Variants in OPCML observed in about 807,000 individuals in gnomAD.
The protein encoded by OPCML is opioid binding protein/cell adhesion molecule like, also known as opioid-binding protein/cell adhesion molecule.
In OPCML, 13 loss-of-function variants were observed where a neutral mutation model predicts 37.8. The observed-to-expected ratio is 0.34, with a 90% CI of 0.22 to 0.55. OPCML has a LOEUF of 0.55. OPCML is among the 20% of genes least tolerant of loss of function. The pLI, the probability that OPCML is intolerant of heterozygous loss-of-function variation, is 0.91. For synonymous variants in OPCML, 176 were observed against 168.8 expected, an observed-to-expected ratio of 1.04 and a Z score of -0.33; for missense variants, 341 against 435.6, an observed-to-expected ratio of 0.78 and a Z score of 1.93.
At chr11:132,554,265 T>G (rs527593080) in intron 3 of OPCML, among the ~76,000 whole-genome samples, 1 of 152,184 alleles carries the variant, frequency 6.6e-6, no homozygotes, top group Non-Finnish European at 1.5e-5. Context: ...CTGGTTTTAA[T>G]TTGAGTGCAG....
At chr11:133,075,408 C>G (rs1450366605) in intron 1 of OPCML, among the ~76,000 whole-genome samples, 1 of 152,220 alleles carries the variant, frequency 6.6e-6, no homozygotes, top group African/African-American at 2.4e-5. Context: ...GCAGGAGAAT[C>G]TCTGCATTCT....
At chr11:133,458,942 A>T (rs1323805598) in intron 1 of OPCML, among the ~76,000 whole-genome samples, 2 of 151,736 alleles carry the variant, frequency 1.3e-5, no homozygotes, top group Non-Finnish European at 2.9e-5. Context: ...AAACATAAAT[A>T]CATTAACAGA....
rs2137093625 is a variant in OPCML at position 133,111,667 on chromosome 11, A to C, written c.62-168657T>G. ...TGGAGCACCAACTGCCTAGGAAAAC[A>C]ATGAACTTTGGTGACTTTTCCTTTC... On this transcript the variant is annotated intron_variant, in intron 1 of 7. Coordinates refer to ENST00000524381, the MANE Select transcript of OPCML (RefSeq NM_001012393.5). Among the ~76,000 whole-genome samples, 4 of 152,346 alleles carry C rather than the reference A, an allele frequency of 2.6e-5. 1 individual carries two copies. The highest frequency in any genetic ancestry group is 2.6e-4 in the Admixed American group (4 of 15,294).
At chr11:132,680,519 G>T (rs990444451) in intron 2 of OPCML, among the ~76,000 whole-genome samples, 1 of 152,134 alleles carries the variant, frequency 6.6e-6, no homozygotes, top group Non-Finnish European at 1.5e-5. Flanking sequence ...TTTCAGGTTC[G>T]GAACCTTCAA....
At chr11:132,650,510 T>C (rs1201876882) in intron 3 of OPCML, among the ~76,000 whole-genome samples, 1 of 152,190 alleles carries the variant, frequency 6.6e-6, no homozygotes, top group Non-Finnish European at 1.5e-5. Context: ...GTGTGCTTTA[T>C]CTGCACTAAT....
At chr11:133,498,237 T>C (rs889166604) in intron 1 of OPCML, among the ~76,000 whole-genome samples, 7 of 152,190 alleles carry the variant, frequency 4.6e-5, no homozygotes, top group Non-Finnish European at 7.4e-5. Context: ...GGAGCACCTC[T>C]CCTGGCTTCC....
rs1338100249 is a variant in OPCML at position 132,943,939 on chromosome 11, G to T, written c.62-929C>A. On this transcript the variant is annotated intron_variant, in intron 1 of 7. Transcript: ENST00000524381. This position sits in a 1 kb window ranked among gnomAD's most constrained non-coding sequence, Gnocchi z 4.3. ...CGCGCGGGCCCGGACCGCCGGGGTT[G>T]TCATGGCAGCAGCTCCATCCCTGAC... is the stretch of plus-strand genomic sequence containing the variant. 2.6e-5 allele frequency among the ~76,000 whole-genome samples: 4 copies of T among 151,890 alleles called. No homozygotes were observed. The highest frequency in any genetic ancestry group is 9.7e-5 in the African/African-American group (4 of 41,434).
chr11:132,571,153 C>A (rs571942203), intron 3 of OPCML, among the ~76,000 whole-genome samples: 54 of 152,142 alleles, frequency 3.5e-4, no homozygotes, highest in Middle Eastern at 3.4e-3. Context: ...TGCCTTTGGA[C>A]ATAAGACTTC....
intron 3 of OPCML, among the ~76,000 whole-genome samples, chr11:132,646,696 G>C (rs1402046954): frequency 2.0e-5 from 3 of 152,098 alleles, no homozygotes; most frequent in Non-Finnish European, 4.4e-5. Context: ...CTGAAGCCAA[G>C]GTTTTATACA....
At chr11:133,247,535 C>CATCTTT (rs1940969580) in intron 1 of OPCML, among the ~76,000 whole-genome samples, 1 of 58,908 alleles carries the variant, frequency 1.7e-5, no homozygotes, top group South Asian at 7.5e-4. Flanking sequence ...TCTTTCTTTC[C>CATCTTT]TTCTTTTTCT....
intron 2 of OPCML, among the ~76,000 whole-genome samples, chr11:132,701,819 CT>C (rs60055469): frequency 0.51 from 72,676 of 143,400 alleles, 18,157 homozygotes; most frequent in Admixed American, 0.57. Context: ...GTGTGCTTTC[CT>C]TTTTTTTTTA....
rs150642174 is a variant in OPCML at position 133,346,780 on chromosome 11, A to G, written c.61+185484T>C. On this transcript the variant is annotated intron_variant, in intron 1 of 7. Transcript: ENST00000524381. ...ATTAATTTAACCTCTCTGAAAATTC[A>G]TCTATATAATCAAACTTCTGGACTA... 6.1e-4 allele frequency among the ~76,000 whole-genome samples: 93 copies of G among 152,334 alleles called. 1 individual carries two copies. The highest frequency in any genetic ancestry group is 2.1e-3 in the African/African-American group (88 of 41,572).
chr11:132,710,585 G>T (rs574193296), intron 2 of OPCML, among the ~76,000 whole-genome samples: 46 of 152,232 alleles, frequency 3.0e-4, no homozygotes, highest in African/African-American at 1.0e-3. Context: ...GGGCACAGTG[G>T]CTCATGCCTG....
intron 1 of OPCML, among the ~76,000 whole-genome samples, chr11:133,354,395 C>T (rs1054626153): frequency 1.8e-5 from 2 of 112,102 alleles, no homozygotes; most frequent in East Asian, 4.8e-4. Context: ...TCAATGCATA[C>T]TGAATGCTTA....
At chr11:132,973,747 A>G (rs991895154) in intron 1 of OPCML, among the ~76,000 whole-genome samples, 1 of 152,184 alleles carries the variant, frequency 6.6e-6, no homozygotes. Flanking sequence ...TCTACTTTCC[A>G]CAATGACTTT....
intron 3 of OPCML, among the ~76,000 whole-genome samples, chr11:132,590,314 A>T (rs2137699518): frequency 6.6e-6 from 1 of 152,278 alleles, no homozygotes; most frequent in South Asian, 2.1e-4. Flanking sequence ...GAATGGAAGG[A>T]TGAACAAATC....
chr11:132,496,919 A>G (rs1443807113), intron 4 of OPCML, among the ~76,000 whole-genome samples: 1 of 152,174 alleles, frequency 6.6e-6, no homozygotes, highest in Non-Finnish European at 1.5e-5. Flanking sequence ...CCTCAATAAT[A>G]ACGATGAGCA....
intron 2 of OPCML, among the ~76,000 whole-genome samples, chr11:132,711,962 T>A (rs1944280275): frequency 6.6e-6 from 1 of 152,196 alleles, no homozygotes; most frequent in Admixed American, 6.5e-5. Context: ...TTGCCTCATT[T>A]TCATACGATT....
rs113816587 is a variant in OPCML, at chr11:133,254,865, G to A, written c.61+277399C>T. On this transcript the variant is annotated intron_variant, in intron 1 of 7. Transcript: ENST00000524381. The stretch of plus-strand genomic sequence containing the variant: ...GTAGCAGGGGATCTTCATGAGAAAC[G>A]TTAAATTAAATGTAGGTTTGACAAG... 4.4e-3 allele frequency among the ~76,000 whole-genome samples: 673 copies of A among 152,058 alleles called. 5 individuals carry two copies. Among genetic ancestry groups the A allele is most frequent in the African/African-American group, 0.015 (626 of 41,456 alleles).
Sources: allele counts gnomAD v4.1 joint callset (sites outside exome capture counted in the v4.1 genomes callset), GRCh38; gene constraint gnomAD v4.1.1; non-coding constraint Gnocchi (gnomAD v3.1); transcripts MANE v1.5; gene names NCBI Gene and HGNC (gene_info 2026-07-23, HGNC 2026-07-21).